CHD7: variants seen among roughly 807,000 people sequenced by gnomAD.
The protein encoded by CHD7 is ATP-dependent chromatin remodeler CHD7.
Under a neutral mutation model 307.3 loss-of-function variants are expected in CHD7, and 24 were observed. The ratio of observed to expected loss-of-function variants is 0.08; its 90% CI spans 0.06 to 0.11. CHD7 has a LOEUF of 0.11. CHD7 is among the 10% of genes least tolerant of loss of function. CHD7 has a pLI of 1.00. For synonymous variants in CHD7, 1,363 were observed against 1,349.9 expected (o/e 1.01, Z -0.21); for missense variants, 3,106 against 3,727.1 (o/e 0.83, Z 4.34).
chr8:60,856,819 G>A lies in CHD7; in HGVS notation c.7539G>A (p.Arg2513=). The part of the protein sequence containing the change: ...VDGEPPMKRR[R]GRRKNVEGLD... The stretch of plus-strand genomic sequence containing the variant: ...GAGAGCCTCCCATGAAGAGGAGGCG[G>A]GGAAGGAGGAAAAATGTGGAGGGAC... The change falls in exon 34 of 38, where the codon CGG becomes CGA. Residue 2513 remains arginine (R), a synonymous_variant. Transcript: ENST00000423902. 1 of 1,596,976 alleles carries A rather than the reference G, an allele frequency of 6.3e-7. No individual in the cohort carries two copies. The highest frequency in any genetic ancestry group is 1.7e-4 in the Middle Eastern group (1 of 5,976).
At chr8:60,752,541 A>C (rs1023480898) in intron 2 of CHD7, among the ~76,000 whole-genome samples, 1 of 152,240 alleles carries the variant, frequency 6.6e-6, no homozygotes, top group Admixed American at 6.5e-5. Flanking sequence ...AAAGAACTTT[A>C]GATCATTCTT....
At chr8:60,716,800 A>T (rs1807624619) in intron 1 of CHD7, among the ~76,000 whole-genome samples, 1 of 152,246 alleles carries the variant, frequency 6.6e-6, no homozygotes, top group African/African-American at 2.4e-5. Context: ...ATAGGTGCAC[A>T]ATACATATTT....
chr8:60,829,325 C>T (rs1287206359), intron 14 of CHD7, among the ~76,000 whole-genome samples: 1 of 152,216 alleles, frequency 6.6e-6, no homozygotes, highest in Non-Finnish European at 1.5e-5. Context: ...TTGGGCCAGG[C>T]GCGGTGGCTT....
At chr8:60,707,534 C>G (rs1055699154) in intron 1 of CHD7, among the ~76,000 whole-genome samples, 3 of 152,114 alleles carry the variant, frequency 2.0e-5, no homozygotes, top group Admixed American at 6.5e-5. Context: ...TTACAAGTTA[C>G]CCTTGTATAA....
chr8:60,802,298 T>G (rs1388444651), intron 6 of CHD7, among the ~76,000 whole-genome samples: 3 of 152,228 alleles, frequency 2.0e-5, no homozygotes, highest in African/African-American at 7.2e-5. Flanking sequence ...GCTAACTCCC[T>G]TCTTACAGCC....
intron 23 of CHD7, among the ~76,000 whole-genome samples, chr8:60,846,790 C>G (rs1805227870): frequency 6.6e-6 from 1 of 152,200 alleles, no homozygotes; most frequent in South Asian, 2.1e-4. Context: ...GACAAGAAAA[C>G]TGAGACTAAA....
intron 2 of CHD7, among the ~76,000 whole-genome samples, chr8:60,762,376 C>T (rs536857738): frequency 6.6e-6 from 1 of 152,158 alleles, no homozygotes; most frequent in Non-Finnish European, 1.5e-5. Flanking sequence ...GTCTCTGTTA[C>T]GATTATTGCT....
Position 60,800,446 on chromosome 8 carries a change from A to G in CHD7, c.2297A>G (p.Lys766Arg). 6.2e-7 allele frequency: 1 copy of G among 1,613,910 alleles called. No homozygotes were observed. The highest frequency in any genetic ancestry group is 8.5e-7 in the Non-Finnish European group (1 of 1,179,826). ...CGCTACACTGAAGACCTGGAGTTCA[A>G]GATTTCTGATGAGGAGGCAGATGAT... ...RKRYTEDLEF[K>R]ISDEEADDAD... The change falls in exon 5 of 38, where the codon AAG (lysine) becomes AGG (arginine). Residue 766 changes from lysine to arginine, a missense_variant. By Grantham distance (26) the Lys-to-Arg change is conservative. Around this residue, in one of 10 missense-constraint regions of CHD7, gnomAD observed 998 missense variants for 1,004.5 expected, o/e 0.99. Coordinates refer to ENST00000423902, the MANE Select transcript of CHD7 (RefSeq NM_017780.4).
At chr8:60,775,460 A>G (rs1274213792) in intron 2 of CHD7, among the ~76,000 whole-genome samples, 1 of 152,248 alleles carries the variant, frequency 6.6e-6, no homozygotes, top group Non-Finnish European at 1.5e-5. Context: ...TGCATAGTGT[A>G]ATATACTATC....
At chr8:60,808,367 G>A in intron 7 of CHD7, 95 bp downstream of exon 7, 1 of 796,898 alleles carries the variant, frequency 1.3e-6, no homozygotes. Flanking sequence ...AAGAAACTTT[G>A]GTATGATTTC....
chr8:60,772,453 T>TAAAATG (rs1810755880), intron 2 of CHD7, among the ~76,000 whole-genome samples: 1 of 152,252 alleles, frequency 6.6e-6, no homozygotes, highest in Admixed American at 6.5e-5. Context: ...ATTTCTTCTT[T>TAAAATG]CCAGTTTAAA....
chr8:60,804,781 A>G (rs949293019), intron 6 of CHD7, among the ~76,000 whole-genome samples: 4 of 152,210 alleles, frequency 2.6e-5, no homozygotes, highest in African/African-American at 9.7e-5. Context: ...CTGGGTGGCT[A>G]TTTAGAATCC....
intron 1 of CHD7, among the ~76,000 whole-genome samples, chr8:60,715,017 C>T (rs972593177): frequency 6.6e-6 from 1 of 152,154 alleles, no homozygotes; most frequent in Non-Finnish European, 1.5e-5. Context: ...ATACTCTGTC[C>T]GAATGGTTTG....
intron 1 of CHD7, among the ~76,000 whole-genome samples, chr8:60,682,530 G>A (rs1037533571): frequency 6.6e-6 from 1 of 152,190 alleles, no homozygotes; most frequent in Non-Finnish European, 1.5e-5. Context: ...TAAGATTACA[G>A]CATTGTATTC....
chr8:60,737,939 G>A (rs1808791400), intron 1 of CHD7, among the ~76,000 whole-genome samples: 1 of 152,150 alleles, frequency 6.6e-6, no homozygotes, highest in Admixed American at 6.5e-5. Context: ...TTAGACTAGT[G>A]CCTGGATCAT....
At chr8:60,850,289 T>C (rs1423892210) in intron 25 of CHD7, among the ~76,000 whole-genome samples, 1 of 152,240 alleles carries the variant, frequency 6.6e-6, no homozygotes, top group Non-Finnish European at 1.5e-5. Context: ...ATAATATCCC[T>C]GAAGTGTAAC....
intron 1 of CHD7, among the ~76,000 whole-genome samples, chr8:60,716,785 A>C (rs1209105646): frequency 6.6e-6 from 1 of 152,264 alleles, no homozygotes; most frequent in African/African-American, 2.4e-5. Flanking sequence ...AGTGTTTGAC[A>C]GATGATAGGT....
intron 1 of CHD7, among the ~76,000 whole-genome samples, chr8:60,723,286 A>T (rs1563544680): frequency 6.6e-6 from 1 of 152,168 alleles, no homozygotes; most frequent in Non-Finnish European, 1.5e-5. Flanking sequence ...TGGAAGTAAC[A>T]GGCTTATTTT....
intron 1 of CHD7, among the ~76,000 whole-genome samples, chr8:60,728,398 C>T (rs1477236224): frequency 2.0e-5 from 3 of 150,822 alleles, no homozygotes; most frequent in Admixed American, 6.6e-5. Flanking sequence ...ATTGACTCTT[C>T]CATGTTTTTG....
Sources: allele counts gnomAD v4.1 joint callset (sites outside exome capture counted in the v4.1 genomes callset), GRCh38; gene constraint gnomAD v4.1.1; regional missense constraint gnomAD v4.1.1; transcripts MANE v1.5; gene names NCBI Gene and HGNC (gene_info 2026-07-23, HGNC 2026-07-21).